TSPAN2: variants seen among roughly 807,000 people sequenced by gnomAD.
TSPAN2 encodes the protein tetraspanin 2, also known as tetraspanin-2.
A neutral mutation model predicts 33.3 loss-of-function variants in TSPAN2; 24 were observed. The ratio of observed to expected loss-of-function variants is 0.72; its 90% CI spans 0.52 to 1.01. The LOEUF (loss-of-function observed/expected upper bound fraction) is 1.01. Ranked by LOEUF, TSPAN2 falls within the 50% of genes least tolerant of loss-of-function variation. TSPAN2 has a pLI of 0.00. For synonymous variants in TSPAN2, 114 were observed against 104.5 expected (o/e 1.09, Z -0.56); for missense variants, 278 against 281.3 (o/e 0.99, Z 0.08).
At chr1:115,085,376 C>G (rs1256551745) in intron 1 of TSPAN2, among the ~76,000 whole-genome samples, 1 of 152,104 alleles carries the variant, frequency 6.6e-6, no homozygotes, top group Non-Finnish European at 1.5e-5. Context: ...GTTTATGAAA[C>G]CAGGAGCACA....
At chr1:115,086,783 C>A (rs1557886831) in intron 1 of TSPAN2, among the ~76,000 whole-genome samples, 1 of 152,108 alleles carries the variant, frequency 6.6e-6, no homozygotes, top group African/African-American at 2.4e-5. Flanking sequence ...TTTGTTTAAT[C>A]ATTGTTTAAC....
At chr1:115,078,792 A>G (rs1286340285) in intron 1 of TSPAN2, among the ~76,000 whole-genome samples, 1 of 152,248 alleles carries the variant, frequency 6.6e-6, no homozygotes, top group Admixed American at 6.5e-5. Flanking sequence ...TGAGCTGATT[A>G]AGACAGGCTG....
chr1:115,079,768 C>T (rs748330932), intron 1 of TSPAN2, among the ~76,000 whole-genome samples: 17 of 152,112 alleles, frequency 1.1e-4, no homozygotes, highest in Non-Finnish European at 1.0e-4. Context: ...CATGGCAGCT[C>T]CTTTAGGTAC....
At chr1:115,052,627 C>T (rs551232577) in intron 7 of TSPAN2, among the ~76,000 whole-genome samples, 1 of 152,138 alleles carries the variant, frequency 6.6e-6, no homozygotes, top group Non-Finnish European at 1.5e-5. Flanking sequence ...CATACCTGTC[C>T]GCTGCTATCC....
rs532297823 is a variant in TSPAN2, at chr1:115,056,919, C to T, written c.516+618G>A. On this transcript the variant is annotated intron_variant, in intron 6 of 7. Transcript: ENST00000369516. Reference sequence around the variant, plus strand: ...TGCTGTCTCCTCACTTGTGTCTGGCCGCCCCTCCCAGTTTCCTTCTTTGGC... The same window carrying T: ...TGCTGTCTCCTCACTTGTGTCTGGCTGCCCCTCCCAGTTTCCTTCTTTGGC... 1.1e-3 allele frequency among the ~76,000 whole-genome samples: 172 copies of T among 152,202 alleles called. 1 individual carries two copies. Among genetic ancestry groups the T allele is most frequent in the African/African-American group, 3.9e-3 (161 of 41,522 alleles).
chr1:115,060,502 C>A lies in TSPAN2; in HGVS notation c.307G>T (p.Val103Leu). The change falls in exon 4 of 8, where the codon GTA (valine) becomes TTA (leucine). Residue 103 changes from valine to leucine, a missense_variant. Physicochemically the swap from Val to Leu is conservative, Grantham distance 32. Transcript: ENST00000369516. The stretch of plus-strand genomic sequence containing the variant: ...ATAAAAGCAAATACTCCAGTGGTTA[C>A]TTCAGCAGCAAATATCACCAGGAGG... ...TCLLVIFAAE[V>L]TTGVFAFIGK... The A allele has an allele frequency of 6.2e-7, 1 of 1,613,716 alleles. No individual in the cohort carries two copies. Among genetic ancestry groups the A allele is most frequent in the Non-Finnish European group, 8.5e-7 (1 of 1,179,784 alleles).
chr1:115,050,500 T>C lies in TSPAN2; in HGVS notation c.656A>G (p.Asp219Gly). The C allele has an allele frequency of 6.2e-7, 1 of 1,613,992 alleles. No homozygotes were observed. Among genetic ancestry groups the C allele is most frequent in the Non-Finnish European group, 8.5e-7 (1 of 1,179,932 alleles). ...CATGTAGAAGTAGCTTCATATCACA[T>C]CTCGTGAGTTTCGTATCGCACAGCA... ...VLCCAIRNSR[D>G]VI is the part of the protein sequence containing the mutation. The change falls in exon 8 of 8, where the codon GAT (aspartate) becomes GGT (glycine). Residue 219 changes from aspartate (D) to glycine (G), a missense_variant. By Grantham distance (94) the Asp-to-Gly change is moderately conservative. Coordinates refer to ENST00000369516, the MANE Select transcript of TSPAN2 (RefSeq NM_005725.6).
intron 1 of TSPAN2, among the ~76,000 whole-genome samples, chr1:115,074,764 T>C (rs996758395): frequency 1.3e-5 from 2 of 152,098 alleles, no homozygotes; most frequent in African/African-American, 4.8e-5. Context: ...CCAGAAAAAG[T>C]GGGGAGAGTC....
intron 3 of TSPAN2, among the ~76,000 whole-genome samples, chr1:115,061,438 T>G (rs894489717): frequency 6.6e-6 from 1 of 152,236 alleles, no homozygotes; most frequent in African/African-American, 2.4e-5. Context: ...ACAAGAGGGA[T>G]TTTGGTTAAG....
At chr1:115,058,070 G>A (rs1402569792) in intron 5 of TSPAN2, among the ~76,000 whole-genome samples, 1 of 152,156 alleles carries the variant, frequency 6.6e-6, no homozygotes, top group East Asian at 1.9e-4. Context: ...TTTGAAGATT[G>A]GCCAGCAAAC....
chr1:115,086,125 T>C (rs1223300764), intron 1 of TSPAN2, among the ~76,000 whole-genome samples: 1 of 152,202 alleles, frequency 6.6e-6, no homozygotes, highest in African/African-American at 2.4e-5. Flanking sequence ...ATGCTTCCTA[T>C]GTGCCGATAA....
intron 1 of TSPAN2, among the ~76,000 whole-genome samples, chr1:115,075,444 C>T (rs12743321): frequency 0.15 from 22,503 of 152,100 alleles, 1,695 homozygotes; most frequent in South Asian, 0.2. Context: ...AGAGACAGGG[C>T]GATCACTGCT....
chr1:115,067,700 C>G (rs1180686561), intron 2 of TSPAN2, among the ~76,000 whole-genome samples: 1 of 152,190 alleles, frequency 6.6e-6, no homozygotes, highest in Non-Finnish European at 1.5e-5. Flanking sequence ...CAGGGAGAGA[C>G]AGCTGCAGTC....
chr1:115,054,355 C>T (rs1647309780), intron 6 of TSPAN2, among the ~76,000 whole-genome samples: 1 of 152,148 alleles, frequency 6.6e-6, no homozygotes, highest in South Asian at 2.1e-4. Context: ...TGAGCATCTA[C>T]CTTGCATTAG....
At chr1:115,071,685 G>A (rs182332312) in intron 2 of TSPAN2, among the ~76,000 whole-genome samples, 12 of 152,314 alleles carry the variant, frequency 7.9e-5, no homozygotes, top group Non-Finnish European at 1.3e-4. Flanking sequence ...TTTACAAAGA[G>A]CCACATCTAA....
rs561844035 is a variant in TSPAN2, at chr1:115,053,650, GA to G, written c.517-189del. On this transcript the variant is annotated intron_variant, in intron 6 of 7. Transcript: ENST00000369516. ...GCTTAATGCAAAAATGCAGTTTGGG[GA>G]AAAAAATAGAAGCCTCTCCTTTGGG... is the stretch of plus-strand genomic sequence containing the variant. Among the ~76,000 whole-genome samples the G allele has an allele frequency of 1.8e-4, 27 of 152,150 alleles. No individual in the cohort carries two copies. In the East Asian group the frequency reaches 4.6e-3, roughly 26 times the overall value.
intron 2 of TSPAN2, among the ~76,000 whole-genome samples, chr1:115,063,588 T>C (rs1450650463): frequency 6.6e-6 from 1 of 152,066 alleles, no homozygotes; most frequent in Non-Finnish European, 1.5e-5. Context: ...GGAAAATAAG[T>C]CATTCTGTCA....
At chr1:115,057,903 G>T (rs1647499699) in intron 5 of TSPAN2, among the ~76,000 whole-genome samples, 1 of 152,244 alleles carries the variant, frequency 6.6e-6, no homozygotes, top group Non-Finnish European at 1.5e-5. Flanking sequence ...TTTTTAGAAA[G>T]GGGTTGGGGC....
chr1:115,077,110 G>T (rs1648440409), intron 1 of TSPAN2, among the ~76,000 whole-genome samples: 1 of 151,774 alleles, frequency 6.6e-6, no homozygotes, highest in Admixed American at 6.6e-5. Flanking sequence ...GTAGAGATGG[G>T]GTTTTACCAT....
Sources: gnomAD v4.1 joint callset for allele counts (sites outside exome capture counted in the v4.1 genomes callset) on GRCh38, gnomAD v4.1.1 for gene constraint, MANE v1.5 for transcripts, NCBI Gene and HGNC (gene_info 2026-07-23, HGNC 2026-07-21) for gene names.